RAB17: variants seen among roughly 807,000 people sequenced by gnomAD.
RAB17 encodes ras-related protein Rab-17.
In RAB17, 15 loss-of-function variants were observed where a neutral mutation model predicts 19.3. The observed-to-expected ratio is 0.78, with a 90% CI of 0.52 to 1.20. The LOEUF (loss-of-function observed/expected upper bound fraction) is 1.20. RAB17 is among the 50% of genes most tolerant of loss of function. The probability of loss-of-function intolerance (pLI) is 0.00; values close to 1 mark genes in which losing one functional copy is unlikely to be tolerated. For missense variants in RAB17, 262 were observed against 269.3 expected (o/e 0.97, Z 0.19); for synonymous variants, 110 against 112.8 (o/e 0.97, Z 0.16).
Position 237,574,471 on chromosome 2 carries a change from T to C in RAB17, c.*548A>G. 6.4e-7 allele frequency: 1 copy of C among 1,550,754 alleles called. No homozygotes were observed. The highest frequency in any genetic ancestry group is 8.7e-7 in the Non-Finnish European group (1 of 1,146,994). On this transcript the variant is annotated 3_prime_UTR_variant, in exon 6 of 6. Coordinates refer to ENST00000264601, the MANE Select transcript of RAB17 (RefSeq NM_022449.4). ...CAGCCGGGAGACCATGGAAGGGAAC[T>C]GGCGCCACTGCCCCCAGCTGCCCTT...
At chr2:237,583,054 G>T (rs972239854) in intron 2 of RAB17, among the ~76,000 whole-genome samples, 1 of 152,140 alleles carries the variant, frequency 6.6e-6, no homozygotes, top group Admixed American at 6.5e-5. Flanking sequence ...ATGAGCCAAG[G>T]TTGCACCACT....
At chr2:237,583,847 G>T (rs2081327535) in intron 2 of RAB17, among the ~76,000 whole-genome samples, 1 of 152,116 alleles carries the variant, frequency 6.6e-6, no homozygotes, top group Non-Finnish European at 1.5e-5. Context: ...GCTTTCATCT[G>T]AAAGCTGCCG....
At chr2:237,578,370 G>C in intron 2 of RAB17, 1 of 493,320 alleles carries the variant, frequency 2.0e-6, no homozygotes. Flanking sequence ...ATTGCTATGG[G>C]GCCTTTGGAG....
intron 2 of RAB17, among the ~76,000 whole-genome samples, chr2:237,580,867 C>G (rs1444084261): frequency 6.6e-6 from 1 of 152,166 alleles, no homozygotes; most frequent in Non-Finnish European, 1.5e-5. Flanking sequence ...AATGATAATG[C>G]ATAATAATAG....
intron 2 of RAB17, among the ~76,000 whole-genome samples, chr2:237,580,331 T>C (rs2081298596): frequency 6.6e-6 from 1 of 152,258 alleles, no homozygotes; most frequent in Non-Finnish European, 1.5e-5. Context: ...ATTTCTCAGT[T>C]TGAATTTGGT....
rs1363900420 is a variant in RAB17, at chr2:237,578,311, GTTC to G, written c.158-159_158-157del. 5 of 669,608 alleles carry G rather than the reference GTTC, an allele frequency of 7.5e-6. No individual in the cohort carries two copies. The East Asian group carries it at 1.1e-4, about 15-fold the overall frequency. The allele number at this position is 669,608 out of a possible 1,614,324, so 41.5% of individuals were successfully genotyped here. On this transcript the variant is annotated intron_variant, in intron 2 of 5. Transcript: ENST00000264601. ...GCATGGCCAGGAGGTTGAGCAAACA[GTTC>G]TTCTGGGAGATGGAGCCTTCCACAT... is the stretch of plus-strand genomic sequence containing the variant.
chr2:237,576,408 C>T (rs532428030), intron 4 of RAB17, among the ~76,000 whole-genome samples: 62 of 152,308 alleles, frequency 4.1e-4, no homozygotes, highest in African/African-American at 1.4e-3. Flanking sequence ...TCAGAGGGCA[C>T]AGCTCTGCTG....
chr2:237,584,056 T>C (rs904057034), intron 2 of RAB17, among the ~76,000 whole-genome samples: 2 of 150,862 alleles, frequency 1.3e-5, no homozygotes, highest in Non-Finnish European at 2.9e-5. Context: ...AGGGGGATGC[T>C]CGGACCCTGG....
chr2:237,580,943 TGGGCCCCTGGACA>T (rs2081303627), intron 2 of RAB17, among the ~76,000 whole-genome samples: 1 of 152,200 alleles, frequency 6.6e-6, no homozygotes, highest in Non-Finnish European at 1.5e-5. Flanking sequence ...GGCCCTCAGG[TGGGCCCCTGGACA>T]GGTATTTGAG....
chr2:237,581,799 C>T (rs1027754576), intron 2 of RAB17, among the ~76,000 whole-genome samples: 8 of 152,208 alleles, frequency 5.3e-5, no homozygotes, highest in African/African-American at 1.7e-4. Flanking sequence ...GTGCTCAGTA[C>T]CTGTTTGTCA....
intron 2 of RAB17, 87 bp downstream of exon 2, chr2:237,585,911 G>A: frequency 1.4e-6 from 2 of 1,395,978 alleles, no homozygotes; most frequent in South Asian, 1.5e-5. Context: ...TCCTAGGTGG[G>A]CCTCGTCCCC....
At chr2:237,588,986 G>A (rs769292394) in intron 1 of RAB17, among the ~76,000 whole-genome samples, 4 of 152,196 alleles carry the variant, frequency 2.6e-5, no homozygotes, top group East Asian at 1.9e-4. Flanking sequence ...TTGAGAAGAC[G>A]AGGCAGGTGG....
At chr2:237,579,717 T>C (rs1228996386) in intron 2 of RAB17, 2 of 86,456 alleles carry the variant, frequency 2.3e-5, no homozygotes, top group African/African-American at 9.4e-5. Context: ...AGAAACTCAA[T>C]TGCACCCACT....
Position 237,574,926 on chromosome 2 carries a change from A to G in RAB17, c.*93T>C, listed in dbSNP as rs2081248785. ...CCAGGAACATCTAGGGCTCGGGAGC[A>G]ACCCAGCATTGACAGTGAATCAGAA... On this transcript the variant is annotated 3_prime_UTR_variant, in exon 6 of 6. Transcript: ENST00000264601. 9.6e-7 allele frequency: 1 copy of G among 1,046,902 alleles called. No homozygotes were observed. Among genetic ancestry groups the G allele is most frequent in the Non-Finnish European group, 1.3e-6 (1 of 742,522 alleles). The allele number at this position is 1,046,902 out of a possible 1,614,324, so 64.9% of individuals were successfully genotyped here.
At position 237,578,040 on chromosome 2, in the gene RAB17, G is replaced by A. The variant is rs767571262; in HGVS notation, c.273C>T (p.Ala91=). 1.2e-6 allele frequency: 2 copies of A among 1,612,630 alleles called. No homozygotes were observed. The highest frequency in any genetic ancestry group is 1.7e-6 in the Non-Finnish European group (2 of 1,178,722). Residue 91 remains alanine (A), a synonymous_variant, in exon 3 of 6, where the codon GCC becomes GCT. Transcript: ENST00000264601. ...TGTCGTACACCAGAAGCGCAGCGTT[G>A]GCACCCCTGAAGTAGAGGTGGCAGA... ...HSVCHLYFRG[A]NAALLVYDIT...
Position 237,574,805 on chromosome 2 carries a change from G to T in RAB17, c.*214C>A. 1.1e-6 allele frequency: 1 copy of T among 927,782 alleles called. No homozygotes were observed. The highest frequency in any genetic ancestry group is 1.5e-6 in the Non-Finnish European group (1 of 648,398). 57.5% of individuals were successfully genotyped at this position (927,782 alleles called of 1,614,324 possible). ...GAATCAGATGGTATCAGTGGGGATA[G>T]GGCACAGCACTTTCCTGGGAGCCAT... is the stretch of plus-strand genomic sequence containing the variant. On this transcript the variant is annotated 3_prime_UTR_variant, in exon 6 of 6. Coordinates refer to ENST00000264601, the MANE Select transcript of RAB17 (RefSeq NM_022449.4).
At chr2:237,585,718 G>A (rs1012535692) in intron 2 of RAB17, among the ~76,000 whole-genome samples, 2 of 152,164 alleles carry the variant, frequency 1.3e-5, no homozygotes, top group South Asian at 2.1e-4. Context: ...CACCCAGCCC[G>A]ACCCTTTGGG....
At chr2:237,582,073 C>T (rs118066853) in intron 2 of RAB17, among the ~76,000 whole-genome samples, 3 of 152,270 alleles carry the variant, frequency 2.0e-5, no homozygotes, top group African/African-American at 4.8e-5. Flanking sequence ...CGGGAGGCTG[C>T]GCTCACTTGG....
intron 1 of RAB17, among the ~76,000 whole-genome samples, chr2:237,586,940 C>G (rs1416930313): frequency 8.7e-6 from 1 of 114,926 alleles, no homozygotes. Context: ...AGTAGAGATA[C>G]AGGTATTTTT....
Sources: gnomAD v4.1 joint callset for allele counts (sites outside exome capture counted in the v4.1 genomes callset) on GRCh38, gnomAD v4.1.1 for gene constraint, MANE v1.5 for transcripts, NCBI Gene and HGNC (gene_info 2026-07-23, HGNC 2026-07-21) for gene names.